Variants in PSD3 observed in about 807,000 individuals in gnomAD.
The protein encoded by PSD3 is PH and SEC7 domain-containing protein 3.
Under a neutral mutation model 105.5 loss-of-function variants are expected in PSD3, and 49 were observed. That is an observed-to-expected ratio of 0.46 (90% confidence interval 0.37 to 0.59). The LOEUF is 0.59. Among genes scored for constraint, PSD3 ranks in the 20% least tolerant of loss-of-function variants. The pLI is 0.00. For synonymous variants in PSD3, 557 were observed against 457.8 expected (o/e 1.22, Z -2.77); for missense variants, 1,561 against 1,263.8 (o/e 1.24, Z -3.57).
At chr8:18,730,177 T>C (rs1316377839) in intron 9 of PSD3, 1 of 152,186 alleles carries the variant, frequency 6.6e-6, no homozygotes, top group African/African-American at 2.4e-5. Context: ...TATGAAATGT[T>C]TCCGTGGGAC....
At chr8:18,581,571 T>C (rs1212441917) in intron 12 of PSD3, among the ~76,000 whole-genome samples, 3 of 152,188 alleles carry the variant, frequency 2.0e-5, no homozygotes, top group Non-Finnish European at 2.9e-5. Context: ...ACAAGCTCTA[T>C]CTCAGAGAGT....
chr8:18,596,327 T>C (rs1171857212), intron 12 of PSD3, among the ~76,000 whole-genome samples: 1 of 151,922 alleles, frequency 6.6e-6, no homozygotes, highest in East Asian at 1.9e-4. Context: ...AAACAACCTG[T>C]TTTTACACCA....
intron 12 of PSD3, among the ~76,000 whole-genome samples, chr8:18,593,674 C>T (rs12676441): frequency 0.85 from 129,381 of 151,994 alleles, 55,581 homozygotes; most frequent in South Asian, 0.96. Context: ...CACATGCTCA[C>T]GTACGTTTAT....
At chr8:18,629,039 A>G (rs116734767) in intron 11 of PSD3, among the ~76,000 whole-genome samples, 2,591 of 152,052 alleles carry the variant, frequency 0.017, 74 homozygotes, top group African/African-American at 0.06. Context: ...CCAATATTCC[A>G]TATAATAGAA....
At chr8:18,727,721 C>T (rs963401860) in intron 9 of PSD3, among the ~76,000 whole-genome samples, 1 of 152,042 alleles carries the variant, frequency 6.6e-6, no homozygotes, top group African/African-American at 2.4e-5. Context: ...TCAGTGTCTG[C>T]ATACCAGTTA....
intron 1 of PSD3, among the ~76,000 whole-genome samples, chr8:19,067,983 T>C (rs1440872756): frequency 6.6e-6 from 1 of 152,154 alleles, no homozygotes; most frequent in Non-Finnish European, 1.5e-5. Flanking sequence ...ACATGGGAAG[T>C]GATTTCTGAT....
At chr8:18,653,375 A>AT (rs1808661039) in intron 10 of PSD3, among the ~76,000 whole-genome samples, 1 of 152,078 alleles carries the variant, frequency 6.6e-6, no homozygotes, top group Admixed American at 6.5e-5. Context: ...AAGACAAAAA[A>AT]AAAAAGAAAT....
chr8:18,671,191 C>CG (rs1799762560), intron 9 of PSD3, among the ~76,000 whole-genome samples: 1 of 152,110 alleles, frequency 6.6e-6, no homozygotes, highest in Non-Finnish European at 1.5e-5. Context: ...CCTGCTTCTA[C>CG]GTCCTAGGAA....
In PSD3 at chr8:18,530,521, A is replaced by T. The variant is rs1278593409; in HGVS notation, c.*5222T>A. On this transcript the variant is annotated 3_prime_UTR_variant, in exon 16 of 16. Coordinates refer to ENST00000327040, the MANE Select transcript of PSD3 (RefSeq NM_015310.4). ...AAACATACACAAATACATAAATGAT[A>T]TGGTGGGTACTTAATTCTTCCGAAA... 1.3e-5 allele frequency: 2 copies of T among 152,618 alleles called. No individual in the cohort carries two copies. Among genetic ancestry groups the T allele is most frequent in the Non-Finnish European group, 2.9e-5 (2 of 68,034 alleles). 9.5% of individuals were successfully genotyped at this position (152,618 alleles called of 1,614,324 possible).
At chr8:19,065,283 G>T (rs1451075582) in intron 1 of PSD3, among the ~76,000 whole-genome samples, 1 of 152,164 alleles carries the variant, frequency 6.6e-6, no homozygotes, top group East Asian at 1.9e-4. Flanking sequence ...GACCAAACGT[G>T]TGTGTGGTGG....
At position 18,784,218 on chromosome 8, in the gene PSD3, C is replaced by T. The variant is rs143170532; in HGVS notation, c.2082+15077G>A. The stretch of plus-strand genomic sequence containing the variant: ...TTCAAGTCTATTTCCTTGTTGATAT[C>T]GTGCGTGGTGATTCTAAGCATTATT... On this transcript the variant is annotated intron_variant, in intron 8 of 15. Transcript: ENST00000327040. 6.3e-3 allele frequency among the ~76,000 whole-genome samples: 955 copies of T among 152,188 alleles called. 7 individuals are homozygous for T. The highest frequency in any genetic ancestry group is 9.2e-3 in the Non-Finnish European group (625 of 68,010).
At chr8:18,796,535 T>C (rs889040483) in intron 8 of PSD3, among the ~76,000 whole-genome samples, 2 of 152,216 alleles carry the variant, frequency 1.3e-5, no homozygotes, top group African/African-American at 4.8e-5. Context: ...TTAGTATACA[T>C]TCCATTATTT....
chr8:18,988,999 T>C (rs1210991536), intron 1 of PSD3, among the ~76,000 whole-genome samples: 1 of 152,222 alleles, frequency 6.6e-6, no homozygotes, highest in Non-Finnish European at 1.5e-5. Context: ...GCAGCCTGCA[T>C]GGTCGGGACT....
At chr8:18,832,742 G>A (rs1472118070) in intron 4 of PSD3, among the ~76,000 whole-genome samples, 1 of 152,216 alleles carries the variant, frequency 6.6e-6, no homozygotes, top group Non-Finnish European at 1.5e-5. Flanking sequence ...GTGGAAGGCA[G>A]AGGAGGAGCA....
chr8:19,062,660 A>G (rs965459620), intron 1 of PSD3, among the ~76,000 whole-genome samples: 1 of 152,234 alleles, frequency 6.6e-6, no homozygotes, highest in Admixed American at 6.5e-5. Flanking sequence ...ACATACTAAT[A>G]TGCTTTAAAG....
At chr8:18,863,287 C>T (rs1035083691) in intron 4 of PSD3, among the ~76,000 whole-genome samples, 3 of 152,156 alleles carry the variant, frequency 2.0e-5, no homozygotes, top group East Asian at 3.9e-4. Flanking sequence ...GATAAGCCGG[C>T]GAGCGAGAAG....
chr8:18,898,480 T>G (rs1333126123), intron 2 of PSD3, among the ~76,000 whole-genome samples: 1 of 152,146 alleles, frequency 6.6e-6, no homozygotes, highest in Non-Finnish European at 1.5e-5. Flanking sequence ...TCACATTCAG[T>G]CTACAGTTGA....
chr8:18,784,584 A>G (rs977093762), intron 8 of PSD3, among the ~76,000 whole-genome samples: 2 of 152,226 alleles, frequency 1.3e-5, no homozygotes, highest in African/African-American at 2.4e-5. Flanking sequence ...CCAATCAGCT[A>G]TAAATGGGGG....
chr8:18,915,401 A>C (rs368506167), intron 2 of PSD3, among the ~76,000 whole-genome samples: 4 of 152,340 alleles, frequency 2.6e-5, no homozygotes, highest in African/African-American at 9.6e-5. Flanking sequence ...GTCAGGGTGA[A>C]AAGACACCAA....
Sources: allele counts gnomAD v4.1 joint callset (sites outside exome capture counted in the v4.1 genomes callset), GRCh38; gene constraint gnomAD v4.1.1; transcripts MANE v1.5; gene names NCBI Gene and HGNC (gene_info 2026-07-23, HGNC 2026-07-21).